Variants in ZNF407 observed in about 807,000 individuals in gnomAD.
The protein encoded by ZNF407 is zinc finger protein 407.
A neutral mutation model predicts 131.2 loss-of-function variants in ZNF407; 17 were observed. That is an observed-to-expected ratio of 0.13 (90% CI 0.09 to 0.19). ZNF407 has a LOEUF of 0.19. Ranked by LOEUF, ZNF407 falls within the 10% of genes least tolerant of loss-of-function variation. The pLI, the probability that ZNF407 is intolerant of heterozygous loss-of-function variation, is 1.00. For missense variants in ZNF407, 2,681 were observed against 2,830.6 expected (o/e 0.95, Z 1.20); for synonymous variants, 1,156 against 1,062.0 (o/e 1.09, Z -1.72).
In ZNF407 at chr18:74,749,283, G is replaced by A. The variant is rs150746594; in HGVS notation, c.4803-32145G>A. ...TGCTGTCCTCCCCTCTCCTCTCATC[G>A]TGGCTCCTCTGCTCTGCCCTTTCCT... On this transcript the variant is annotated intron_variant, in intron 3 of 8. Coordinates refer to ENST00000299687, the MANE Select transcript of ZNF407 (RefSeq NM_017757.3). Among the ~76,000 whole-genome samples, 32 of 152,110 alleles carry A rather than the reference G, an allele frequency of 2.1e-4. No individual in the cohort carries two copies. In the East Asian group the frequency reaches 5.4e-3, roughly 26 times the overall value.
intron 3 of ZNF407, among the ~76,000 whole-genome samples, chr18:74,779,351 T>C (rs1263040502): frequency 1.3e-5 from 2 of 151,714 alleles, no homozygotes; most frequent in Non-Finnish European, 2.9e-5. Context: ...CCCGACCTTG[T>C]GATCCACCTG....
chr18:74,615,236 G>A (rs556380431), intron 1 of ZNF407, among the ~76,000 whole-genome samples: 1 of 152,360 alleles, frequency 6.6e-6, no homozygotes, highest in South Asian at 2.1e-4. Context: ...GCTGGGCGCG[G>A]TGGCTTACGC....
chr18:74,999,975 A>G (rs1273476493), intron 8 of ZNF407, among the ~76,000 whole-genome samples: 6 of 152,266 alleles, frequency 3.9e-5, no homozygotes, highest in Non-Finnish European at 7.3e-5. Context: ...TTAGAAAATC[A>G]TAAGAAAGTT....
intron 8 of ZNF407, among the ~76,000 whole-genome samples, chr18:74,969,292 G>C (rs769769672): frequency 1.1e-4 from 16 of 152,114 alleles, no homozygotes; most frequent in Non-Finnish European, 2.4e-4. Context: ...CCTCATTCAT[G>C]TTGAGATTTT....
intron 3 of ZNF407, among the ~76,000 whole-genome samples, chr18:74,771,756 A>C (rs1969366453): frequency 1.3e-5 from 2 of 151,624 alleles, no homozygotes; most frequent in Non-Finnish European, 2.9e-5. Context: ...TGTGGTATTT[A>C]TTTTTGTCTG....
chr18:75,000,627 T>C (rs1972833898), intron 8 of ZNF407, among the ~76,000 whole-genome samples: 1 of 152,194 alleles, frequency 6.6e-6, no homozygotes, highest in African/African-American at 2.4e-5. Context: ...AAAATAGCTA[T>C]CTGGTTTAAG....
At chr18:74,695,883 A>G (rs1967342655) in intron 3 of ZNF407, among the ~76,000 whole-genome samples, 1 of 152,220 alleles carries the variant, frequency 6.6e-6, no homozygotes, top group Non-Finnish European at 1.5e-5. Flanking sequence ...GAAGAGATCT[A>G]CATAAATATA....
intron 8 of ZNF407, among the ~76,000 whole-genome samples, chr18:75,055,694 C>T (rs1287622314): frequency 6.6e-6 from 1 of 152,080 alleles, no homozygotes; most frequent in East Asian, 1.9e-4. Context: ...ATTTCCAACT[C>T]GAGATAAAAT....
chr18:74,735,494 G>A (rs999966126), intron 3 of ZNF407, among the ~76,000 whole-genome samples: 8 of 152,104 alleles, frequency 5.3e-5, no homozygotes, highest in East Asian at 1.9e-4. Context: ...ACTGGCTGCC[G>A]TAATGTTTCC....
chr18:74,780,556 A>G (rs1044835128), intron 3 of ZNF407, among the ~76,000 whole-genome samples: 4 of 152,174 alleles, frequency 2.6e-5, no homozygotes, highest in South Asian at 2.1e-4. Context: ...CCTTTCAGCT[A>G]TTAGTAATTA....
intron 8 of ZNF407, among the ~76,000 whole-genome samples, chr18:75,050,245 A>G (rs1222798347): frequency 2.0e-5 from 3 of 152,158 alleles, no homozygotes; most frequent in South Asian, 2.1e-4. Flanking sequence ...CTGTGTGTCA[A>G]GCACAATGCT....
chr18:74,722,546 T>C (rs1006695911), intron 3 of ZNF407, among the ~76,000 whole-genome samples: 2 of 152,144 alleles, frequency 1.3e-5, no homozygotes, highest in Non-Finnish European at 2.9e-5. Context: ...ACCCCAGATT[T>C]CTTCCTCCCT....
At chr18:74,729,544 G>A (rs544327242) in intron 3 of ZNF407, among the ~76,000 whole-genome samples, 4 of 151,916 alleles carry the variant, frequency 2.6e-5, no homozygotes, top group Admixed American at 1.3e-4. Context: ...TCCCTCATTC[G>A]TTTACTGTGA....
At chr18:74,690,653 G>A (rs550704269) in intron 3 of ZNF407, among the ~76,000 whole-genome samples, 175 of 152,192 alleles carry the variant, frequency 1.1e-3, no homozygotes, top group African/African-American at 3.9e-3. Flanking sequence ...AAAATTTGTA[G>A]GACAAAGTGG....
intron 4 of ZNF407, among the ~76,000 whole-genome samples, chr18:74,807,402 G>A (rs1970126826): frequency 6.6e-6 from 1 of 152,120 alleles, no homozygotes; most frequent in African/African-American, 2.4e-5. Context: ...AGTCTTCGTT[G>A]TGCATGGATA....
At chr18:74,844,036 A>C (rs1239655444) in intron 4 of ZNF407, among the ~76,000 whole-genome samples, 2 of 152,170 alleles carry the variant, frequency 1.3e-5, no homozygotes, top group East Asian at 1.9e-4. Context: ...AATTGATGTA[A>C]AACAATTAGG....
intron 4 of ZNF407, among the ~76,000 whole-genome samples, chr18:74,858,233 A>G (rs1970887700): frequency 6.6e-6 from 1 of 151,042 alleles, no homozygotes. Context: ...GAAATAATGA[A>G]TGTCCACGTA....
intron 8 of ZNF407, among the ~76,000 whole-genome samples, chr18:74,968,652 TTTGAA>T (rs948701117): frequency 2.6e-5 from 4 of 152,230 alleles, no homozygotes; most frequent in Non-Finnish European, 4.4e-5. Context: ...TCTGCTTTTG[TTTGAA>T]TTGATGTTCC....
intron 8 of ZNF407, among the ~76,000 whole-genome samples, chr18:74,925,507 T>TA (rs1568272025): frequency 6.6e-6 from 1 of 152,180 alleles, no homozygotes. Context: ...ATTTCCTACA[T>TA]AAAAAAATTT....
Sources: allele counts gnomAD v4.1 joint callset (sites outside exome capture counted in the v4.1 genomes callset), GRCh38; gene constraint gnomAD v4.1.1; transcripts MANE v1.5; gene names NCBI Gene and HGNC (gene_info 2026-07-23, HGNC 2026-07-21).